ZNF804B: variants seen among roughly 807,000 people sequenced by gnomAD.
The protein encoded by ZNF804B is zinc finger 804B.
A neutral mutation model predicts 101.4 loss-of-function variants in ZNF804B; 80 were observed. The ratio of observed to expected loss-of-function variants is 0.79; its 90% CI spans 0.66 to 0.95. The LOEUF is 0.95. ZNF804B is among the 40% of genes least tolerant of loss of function. The pLI, the probability that ZNF804B is intolerant of heterozygous loss-of-function variation, is 0.00. For synonymous variants in ZNF804B, 622 were observed against 558.8 expected (o/e 1.11, Z -1.59); for missense variants, 1,673 against 1,561.9 (o/e 1.07, Z -1.20).
chr7:89,126,122 T>G (rs865921453), intron 1 of ZNF804B, among the ~76,000 whole-genome samples: 10 of 150,156 alleles, frequency 6.7e-5, no homozygotes, highest in African/African-American at 2.0e-4. Context: ...TTTCATGAAA[T>G]GTTAATGGAT....
chr7:88,980,387 A>G (rs1793678799), intron 1 of ZNF804B, among the ~76,000 whole-genome samples: 1 of 151,920 alleles, frequency 6.6e-6, no homozygotes, highest in Non-Finnish European at 1.5e-5. Context: ...TTGGGCATTG[A>G]GGAGTTAGAT....
chr7:88,793,079 A>G (rs1379150437), intron 1 of ZNF804B, among the ~76,000 whole-genome samples: 2 of 151,498 alleles, frequency 1.3e-5, no homozygotes, highest in African/African-American at 2.4e-5. Context: ...AACTATAATG[A>G]TAAGTATTTT....
At chr7:89,242,416 A>G (rs1250593377) in intron 2 of ZNF804B, among the ~76,000 whole-genome samples, 1 of 151,896 alleles carries the variant, frequency 6.6e-6, no homozygotes, top group Non-Finnish European at 1.5e-5. Flanking sequence ...TTTTGTACCA[A>G]CCTAATAAAT....
intron 2 of ZNF804B, among the ~76,000 whole-genome samples, chr7:89,224,755 AGTGT>A (rs5885668): frequency 0.56 from 79,957 of 142,820 alleles, 22,037 homozygotes; most frequent in Non-Finnish European, 0.62. Flanking sequence ...TGTGTGTATG[AGTGT>A]GTGTGTGTGT....
At chr7:88,859,934 A>G (rs570970015) in intron 1 of ZNF804B, among the ~76,000 whole-genome samples, 2 of 151,882 alleles carry the variant, frequency 1.3e-5, no homozygotes, top group Non-Finnish European at 2.9e-5. Context: ...GAATAAAGTT[A>G]TGGAGCTGTG....
intron 1 of ZNF804B, among the ~76,000 whole-genome samples, chr7:88,969,531 A>G (rs1793502374): frequency 6.6e-6 from 1 of 151,636 alleles, no homozygotes; most frequent in Non-Finnish European, 1.5e-5. Flanking sequence ...TAGAGTGATG[A>G]CATTTTTTTC....
chr7:89,143,526 T>G (rs542838548), intron 1 of ZNF804B, among the ~76,000 whole-genome samples: 7 of 152,048 alleles, frequency 4.6e-5, no homozygotes, highest in African/African-American at 1.4e-4. Flanking sequence ...GGATTCATCT[T>G]CAACATCAAC....
intron 1 of ZNF804B, among the ~76,000 whole-genome samples, chr7:88,994,477 A>G (rs1170740092): frequency 1.3e-5 from 2 of 152,044 alleles, no homozygotes; most frequent in African/African-American, 4.8e-5. Flanking sequence ...AATGCCAAAA[A>G]CTGATGAATT....
At chr7:89,142,913 T>C (rs1044534413) in intron 1 of ZNF804B, among the ~76,000 whole-genome samples, 3 of 151,952 alleles carry the variant, frequency 2.0e-5, no homozygotes, top group Non-Finnish European at 2.9e-5. Flanking sequence ...AACACCAAAA[T>C]GCAAGTTCAA....
At chr7:88,776,780 A>ACCCCCCC (rs10707553) in intron 1 of ZNF804B, among the ~76,000 whole-genome samples, 20 of 83,486 alleles carry the variant, frequency 2.4e-4, no homozygotes, top group Non-Finnish European at 3.1e-4. Context: ...TAACCCATAA[A>ACCCCCCC]CCCCCCCCCC....
chr7:88,827,979 A>T (rs1791073007), intron 1 of ZNF804B, among the ~76,000 whole-genome samples: 1 of 152,124 alleles, frequency 6.6e-6, no homozygotes, highest in Admixed American at 6.6e-5. Context: ...TATTCATCAC[A>T]TATACTTTTC....
intron 1 of ZNF804B, among the ~76,000 whole-genome samples, chr7:88,931,244 A>G (rs1444595319): frequency 3.3e-5 from 5 of 151,910 alleles, no homozygotes; most frequent in Non-Finnish European, 7.4e-5. Context: ...ACAAATACCA[A>G]AGAATCAAAT....
intron 1 of ZNF804B, among the ~76,000 whole-genome samples, chr7:88,849,353 T>A (rs953744572): frequency 6.6e-6 from 1 of 151,948 alleles, no homozygotes; most frequent in African/African-American, 2.4e-5. Flanking sequence ...AAAATATTTA[T>A]TTTTTATTTT....
chr7:88,873,854 A>G (rs9649115), intron 1 of ZNF804B, among the ~76,000 whole-genome samples: 71,159 of 151,894 alleles, frequency 0.47, 19,021 homozygotes, highest in African/African-American at 0.73. Context: ...CCAGTACCAC[A>G]CTGTTTTGGT....
chr7:88,848,979 A>C (rs1479072526), intron 1 of ZNF804B, among the ~76,000 whole-genome samples: 2 of 152,146 alleles, frequency 1.3e-5, no homozygotes, highest in African/African-American at 4.8e-5. Context: ...TGTGTTAGAT[A>C]GATCATAGCA....
chr7:89,248,225 C>G (rs894222409), intron 2 of ZNF804B, among the ~76,000 whole-genome samples: 1 of 151,956 alleles, frequency 6.6e-6, no homozygotes, highest in Non-Finnish European at 1.5e-5. Context: ...TCTTGCTACA[C>G]AGTAGACAGC....
intron 1 of ZNF804B, among the ~76,000 whole-genome samples, chr7:88,924,549 C>T (rs551985185): frequency 6.6e-6 from 1 of 152,088 alleles, no homozygotes; most frequent in Non-Finnish European, 1.5e-5. Flanking sequence ...CTCTATACCC[C>T]CTGCATTTAC....
rs117700263 is a variant in ZNF804B, at chr7:89,078,096, G to A, written c.109-140059G>A. Among the ~76,000 whole-genome samples, 474 of 152,100 alleles carry A rather than the reference G, an allele frequency of 3.1e-3. 1 individual carries two copies. Among genetic ancestry groups the A allele is most frequent in the South Asian group, 0.011 (54 of 4,826 alleles). ...AGAAGACATAATTTTATCAATTAAC[G>A]TTAAATGTTTACGAACTTAGTAATG... On this transcript the variant is annotated intron_variant, in intron 1 of 3. Coordinates refer to ENST00000333190, the MANE Select transcript of ZNF804B (RefSeq NM_181646.5).
chr7:89,020,375 T>G (rs568017892), intron 1 of ZNF804B, among the ~76,000 whole-genome samples: 15 of 152,286 alleles, frequency 9.8e-5, no homozygotes, highest in African/African-American at 3.6e-4. Context: ...TTTAGTATTT[T>G]GAATATATTA....
Sources: allele counts gnomAD v4.1 joint callset (sites outside exome capture counted in the v4.1 genomes callset), GRCh38; gene constraint gnomAD v4.1.1; transcripts MANE v1.5; gene names NCBI Gene and HGNC (gene_info 2026-07-23, HGNC 2026-07-21).